The following CLSTN2 variants were observed in gnomAD, a reference collection of about 807,000 sequenced individuals.
The protein encoded by CLSTN2 is calsyntenin 2, also known as calsyntenin-2.
In CLSTN2, 48 loss-of-function variants were observed where a neutral mutation model predicts 101.2. The observed-to-expected ratio is 0.47, with a 90% CI of 0.38 to 0.60. The LOEUF (loss-of-function observed/expected upper bound fraction) is 0.60, where lower values mean the gene tolerates loss of function less well. Ranked by LOEUF, CLSTN2 falls within the 20% of genes least tolerant of loss-of-function variation. CLSTN2 has a pLI of 0.00. For missense variants in CLSTN2, 1,160 were observed against 1,238.2 expected (o/e 0.94, Z 0.95); for synonymous variants, 481 against 463.6 (o/e 1.04, Z -0.48).
At chr3:140,300,210 A>G (rs2087045019) in intron 2 of CLSTN2, among the ~76,000 whole-genome samples, 1 of 152,242 alleles carries the variant, frequency 6.6e-6, no homozygotes, top group African/African-American at 2.4e-5. Flanking sequence ...ATAATAATGC[A>G]TAAGAATCAA....
intron 2 of CLSTN2, among the ~76,000 whole-genome samples, chr3:140,320,169 G>C (rs1200118439): frequency 6.6e-6 from 1 of 152,190 alleles, no homozygotes; most frequent in Non-Finnish European, 1.5e-5. Context: ...CATGGTGCAA[G>C]CCAGCCGTGA....
intron 1 of CLSTN2, among the ~76,000 whole-genome samples, chr3:140,101,517 G>C (rs753438710): frequency 2.4e-4 from 37 of 152,288 alleles, no homozygotes; most frequent in Non-Finnish European, 4.9e-4. Flanking sequence ...TTGTTCATTT[G>C]TGTCTTTTGT....
Position 140,202,132 on chromosome 3 carries a change from C to A in CLSTN2, c.232+26059C>A, listed in dbSNP as rs545441118. On this transcript the variant is annotated intron_variant, in intron 2 of 16. Transcript: ENST00000458420. ...GCCATGGTCAGAACATAGGCTTTTC[C>A]TTTGTGAAATGGGAGCTACAGCAGG... 3.3e-5 allele frequency among the ~76,000 whole-genome samples: 5 copies of A among 152,188 alleles called. No homozygotes were observed. In the South Asian group the frequency reaches 1.0e-3, roughly 32 times the overall value.
chr3:139,959,208 G>C (rs1365622175), intron 1 of CLSTN2, among the ~76,000 whole-genome samples: 3 of 152,096 alleles, frequency 2.0e-5, no homozygotes, highest in Non-Finnish European at 4.4e-5. Context: ...CTACTATGTG[G>C]TCCCACTTCC....
Position 140,383,936 on chromosome 3 carries a change from A to G in CLSTN2, c.233-19693A>G, listed in dbSNP as rs144592505. On this transcript the variant is annotated intron_variant, in intron 2 of 16. Coordinates refer to ENST00000458420, the MANE Select transcript of CLSTN2 (RefSeq NM_022131.3). ...GCACCTGTAATACCAATATCCACGT[A>G]CTGTGAAGGAAAATGTCAAAGCAGG... Among the ~76,000 whole-genome samples the G allele has an allele frequency of 3.4e-3, 516 of 152,356 alleles. 2 individuals are homozygous for G. Among genetic ancestry groups the G allele is most frequent in the Non-Finnish European group, 3.8e-3 (261 of 68,036 alleles).
intron 2 of CLSTN2, among the ~76,000 whole-genome samples, chr3:140,201,956 CAA>C (rs1434623620): frequency 1.3e-5 from 2 of 152,020 alleles, no homozygotes; most frequent in African/African-American, 2.4e-5. Flanking sequence ...TGATATTGAG[CAA>C]AGTTTCGAAG....
chr3:140,338,250 A>G (rs907925836), intron 2 of CLSTN2, among the ~76,000 whole-genome samples: 1 of 152,054 alleles, frequency 6.6e-6, no homozygotes, highest in Admixed American at 6.6e-5. Context: ...ACTTAGTGAT[A>G]GATCTCCATC....
At chr3:140,388,969 T>C (rs1219580249) in intron 2 of CLSTN2, among the ~76,000 whole-genome samples, 1 of 152,216 alleles carries the variant, frequency 6.6e-6, no homozygotes, top group Non-Finnish European at 1.5e-5. Flanking sequence ...AATGACCATA[T>C]AGTTTTTCTC....
intron 2 of CLSTN2, among the ~76,000 whole-genome samples, chr3:140,216,210 C>T (rs957400562): frequency 1.3e-5 from 2 of 152,116 alleles, no homozygotes; most frequent in Non-Finnish European, 2.9e-5. Flanking sequence ...CGAAACAACC[C>T]GCCTCCCACC....
At chr3:140,330,043 T>C (rs1472119303) in intron 2 of CLSTN2, among the ~76,000 whole-genome samples, 1 of 152,214 alleles carries the variant, frequency 6.6e-6, no homozygotes, top group Non-Finnish European at 1.5e-5. Flanking sequence ...TGATGCTGGC[T>C]GCTTCAGGGG....
At position 140,569,642 on chromosome 3, in the gene CLSTN2, T is replaced by C. The variant is rs1985462043; in HGVS notation, c.*3389T>C. 6.6e-6 allele frequency: 1 copy of C among 152,194 alleles called. No individual in the cohort carries two copies. Among genetic ancestry groups the C allele is most frequent in the Admixed American group, 6.5e-5 (1 of 15,272 alleles). The allele number at this position is 152,194 out of a possible 1,614,324, so 9.4% of individuals were successfully genotyped here. On this transcript the variant is annotated 3_prime_UTR_variant, in exon 17 of 17. Transcript: ENST00000458420. The stretch of plus-strand genomic sequence containing the variant: ...TTCATCTAGATACCAAAAATGTGAT[T>C]TCAGTGAAATCTCTTTTCATTGCCG...
intron 1 of CLSTN2, among the ~76,000 whole-genome samples, chr3:140,079,694 T>C (rs962928962): frequency 3.4e-5 from 5 of 149,084 alleles, no homozygotes; most frequent in African/African-American, 1.3e-4. Flanking sequence ...GAGGTTGCAG[T>C]GAGCCGAGGT....
intron 2 of CLSTN2, among the ~76,000 whole-genome samples, chr3:140,324,443 C>T (rs1394082197): frequency 6.6e-6 from 1 of 152,058 alleles, no homozygotes; most frequent in Non-Finnish European, 1.5e-5. Context: ...ACATTATTTC[C>T]ACTAAGGAAA....
intron 1 of CLSTN2, among the ~76,000 whole-genome samples, chr3:140,158,931 A>T (rs1233947433): frequency 6.6e-6 from 1 of 152,198 alleles, no homozygotes; most frequent in Non-Finnish European, 1.5e-5. Flanking sequence ...AATGGGGGAA[A>T]GAACACCCTA....
chr3:140,247,007 A>T (rs1474514981), intron 2 of CLSTN2, among the ~76,000 whole-genome samples: 2 of 152,184 alleles, frequency 1.3e-5, no homozygotes, highest in Admixed American at 1.3e-4. Flanking sequence ...ATAGTTATGG[A>T]CTGATTCCAG....
At chr3:140,435,742 T>C (rs1414416322) in intron 5 of CLSTN2, among the ~76,000 whole-genome samples, 1 of 152,208 alleles carries the variant, frequency 6.6e-6, no homozygotes, top group Non-Finnish European at 1.5e-5. Flanking sequence ...TTGTTGCCTG[T>C]CTTTTGGATA....
intron 1 of CLSTN2, among the ~76,000 whole-genome samples, chr3:140,009,763 T>C (rs1213189274): frequency 6.6e-6 from 1 of 152,248 alleles, no homozygotes; most frequent in East Asian, 1.9e-4. Context: ...CTGATCAGTT[T>C]GGAAAGATTT....
intron 1 of CLSTN2, among the ~76,000 whole-genome samples, chr3:140,032,063 G>A (rs949211693): frequency 3.9e-5 from 6 of 152,140 alleles, no homozygotes; most frequent in African/African-American, 1.4e-4. Flanking sequence ...GAGGTGGGAA[G>A]GACCCTTGAC....
At chr3:140,554,115 A>G (rs887066215) in intron 10 of CLSTN2, among the ~76,000 whole-genome samples, 5 of 152,168 alleles carry the variant, frequency 3.3e-5, no homozygotes, top group Non-Finnish European at 7.3e-5. Context: ...CATTTTGTAA[A>G]TGATATAGGA....
Sources: gnomAD v4.1 joint callset for allele counts (sites outside exome capture counted in the v4.1 genomes callset) on GRCh38, gnomAD v4.1.1 for gene constraint, MANE v1.5 for transcripts, NCBI Gene and HGNC (gene_info 2026-07-23, HGNC 2026-07-21) for gene names.